Variants in GRID1 observed in about 807,000 individuals in gnomAD.
GRID1 encodes glutamate ionotropic receptor delta type subunit 1, also known as glutamate receptor ionotropic, delta-1.
A neutral mutation model predicts 98.0 loss-of-function variants in GRID1; 28 were observed. The ratio of observed to expected loss-of-function variants is 0.29; its 90% CI spans 0.21 to 0.39. The LOEUF is 0.39. GRID1 is among the 10% of genes least tolerant of loss of function. The pLI, the probability that GRID1 is intolerant of heterozygous loss-of-function variation, is 1.00. For synonymous variants in GRID1, 553 were observed against 538.5 expected (o/e 1.03, Z -0.37); for missense variants, 1,111 against 1,340.5 (o/e 0.83, Z 2.67).
At chr10:85,747,016 A>G (rs1842003653) in intron 8 of GRID1, among the ~76,000 whole-genome samples, 1 of 152,180 alleles carries the variant, frequency 6.6e-6, no homozygotes, top group Non-Finnish European at 1.5e-5. Flanking sequence ...ACTTGTTTAC[A>G]TTCAACAAAG....
rs371805985 is a variant in GRID1 at position 86,247,059 on chromosome 10, G to A, written c.236-40411C>T. Among the ~76,000 whole-genome samples the A allele has an allele frequency of 2.9e-4, 44 of 152,398 alleles. No homozygotes were observed. In the South Asian group the frequency reaches 7.2e-3, roughly 25 times the overall value. On this transcript the variant is annotated intron_variant, in intron 2 of 15. Transcript: ENST00000327946. ...ACACCGTGCCTGGAACACCACAGGT[G>A]TCAGTAAATACATGTTGGCTCAATG...
intron 2 of GRID1, among the ~76,000 whole-genome samples, chr10:86,308,075 C>T (rs1480964781): frequency 2.0e-5 from 3 of 152,176 alleles, no homozygotes; most frequent in African/African-American, 7.2e-5. Flanking sequence ...CCAAGGACCA[C>T]CATTCTTCAT....
At chr10:85,624,370 G>C (rs935165713) in intron 13 of GRID1, among the ~76,000 whole-genome samples, 5 of 152,148 alleles carry the variant, frequency 3.3e-5, no homozygotes, top group Non-Finnish European at 7.3e-5. Context: ...CTTAGCATAA[G>C]GCTGGTGGAA....
intron 8 of GRID1, among the ~76,000 whole-genome samples, chr10:85,731,929 G>A (rs1459455255): frequency 8.2e-6 from 1 of 121,310 alleles, no homozygotes; most frequent in Non-Finnish European, 1.7e-5. Flanking sequence ...AAGAAAGAGA[G>A]AGAGAGAAGG....
At chr10:86,196,198 T>G (rs1188972801) in intron 3 of GRID1, among the ~76,000 whole-genome samples, 2 of 152,022 alleles carry the variant, frequency 1.3e-5, no homozygotes, top group East Asian at 1.9e-4. Context: ...TTCCTCCATC[T>G]GCAGAAGCCC....
intron 5 of GRID1, among the ~76,000 whole-genome samples, chr10:85,905,027 G>T (rs1327445291): frequency 6.6e-6 from 1 of 151,846 alleles, no homozygotes; most frequent in Non-Finnish European, 1.5e-5. Flanking sequence ...TCAACAAAGT[G>T]CAGGCACACA....
intron 4 of GRID1, among the ~76,000 whole-genome samples, chr10:86,032,867 A>G (rs905316888): frequency 1.3e-5 from 2 of 150,778 alleles, no homozygotes; most frequent in East Asian, 3.9e-4. Context: ...CCTTGATACC[A>G]GCTAATACCC....
intron 4 of GRID1, among the ~76,000 whole-genome samples, chr10:85,950,685 C>T (rs1432370129): frequency 1.3e-5 from 2 of 152,172 alleles, no homozygotes; most frequent in Non-Finnish European, 2.9e-5. Flanking sequence ...ATCCAGCAAA[C>T]ATTATGCCCC....
intron 9 of GRID1, among the ~76,000 whole-genome samples, chr10:85,728,648 C>T (rs1190312787): frequency 6.6e-6 from 1 of 152,190 alleles, no homozygotes; most frequent in Non-Finnish European, 1.5e-5. Context: ...TGTGCTATGC[C>T]ACATGTGAGC....
At chr10:85,764,921 C>T (rs1220367445) in intron 8 of GRID1, among the ~76,000 whole-genome samples, 3 of 152,114 alleles carry the variant, frequency 2.0e-5, no homozygotes, top group Admixed American at 6.6e-5. Flanking sequence ...GACTATATAA[C>T]AGAAATGCAG....
Position 85,623,533 on chromosome 10 carries a change from C to T in GRID1, c.2194-3500G>A, listed in dbSNP as rs531566372. Among the ~76,000 whole-genome samples, 167 of 152,296 alleles carry T rather than the reference C, an allele frequency of 1.1e-3. 1 individual carries two copies. Among genetic ancestry groups the T allele is most frequent in the Non-Finnish European group, 2.0e-3 (133 of 68,020 alleles). ...ATCCACAGGTCTGGCTTCCCCACTACGGGGGGCTGGGGGGAGGACACCAAA... is the reference window on the plus strand; with the variant it reads ...ATCCACAGGTCTGGCTTCCCCACTATGGGGGGCTGGGGGGAGGACACCAAA... On this transcript the variant is annotated intron_variant, in intron 13 of 15. Transcript: ENST00000327946.
chr10:86,156,161 A>C (rs959257377), intron 3 of GRID1, among the ~76,000 whole-genome samples: 5 of 152,220 alleles, frequency 3.3e-5, no homozygotes, highest in African/African-American at 9.7e-5. Context: ...CAAGGGGAGA[A>C]GAGAGGGGCA....
At position 85,720,993 on chromosome 10, in the gene GRID1, A is replaced by G. The variant is rs886754019; in HGVS notation, c.1997+2010T>C. Among the ~76,000 whole-genome samples, 4 of 152,318 alleles carry G rather than the reference A, an allele frequency of 2.6e-5. No homozygotes were observed. The East Asian group carries it at 7.7e-4, about 29-fold the overall frequency. On this transcript the variant is annotated intron_variant, in intron 12 of 15. Transcript: ENST00000327946. ...AACTAGTGTCTAAAATATATGAAGA[A>G]CTTTCAAAACTCAAAAGTAATAAGC... is the stretch of plus-strand genomic sequence containing the variant.
At chr10:85,927,056 C>T (rs1652892322) in intron 4 of GRID1, among the ~76,000 whole-genome samples, 1 of 152,214 alleles carries the variant, frequency 6.6e-6, no homozygotes. Flanking sequence ...CCTGGTCTCT[C>T]AGGCCACTGC....
intron 8 of GRID1, among the ~76,000 whole-genome samples, chr10:85,801,043 C>G (rs1564594795): frequency 6.6e-6 from 1 of 151,838 alleles, no homozygotes. Flanking sequence ...TAAAGAGTGA[C>G]AACAAACAAA....
intron 12 of GRID1, among the ~76,000 whole-genome samples, chr10:85,698,233 T>C (rs1202509516): frequency 3.3e-5 from 5 of 152,160 alleles, no homozygotes; most frequent in Middle Eastern, 3.2e-3. Flanking sequence ...ACTACCCACA[T>C]ATCAATTAAA....
At chr10:86,012,658 A>AGGTAACTG (rs1453083490) in intron 4 of GRID1, among the ~76,000 whole-genome samples, 1 of 152,106 alleles carries the variant, frequency 6.6e-6, no homozygotes, top group Non-Finnish European at 1.5e-5. Context: ...AGCCTTTGGG[A>AGGTAACTG]GGTAACTGGA....
rs1039647077 is a variant in GRID1, at chr10:86,118,218, A to G, written c.726+20601T>C. ...GGAACTGGAGACTGTTATCCTAAGTAAAGTAACTTAGGAATGAAAAATCAA... is the reference window on the plus strand; with the variant it reads ...GGAACTGGAGACTGTTATCCTAAGTGAAGTAACTTAGGAATGAAAAATCAA... On this transcript the variant is annotated intron_variant, in intron 4 of 15. Transcript: ENST00000327946. Among the ~76,000 whole-genome samples, 3 of 152,344 alleles carry G rather than the reference A, an allele frequency of 2.0e-5. No individual in the cohort carries two copies. In the Middle Eastern group the frequency reaches 0.01, roughly 518 times the overall value.
intron 4 of GRID1, among the ~76,000 whole-genome samples, chr10:85,982,440 T>C (rs568201143): frequency 1.2e-4 from 19 of 152,118 alleles, no homozygotes; most frequent in Non-Finnish European, 1.9e-4. Context: ...ATATGGAAAA[T>C]TGACTCAAGG....
Sources: gnomAD v4.1 joint callset for allele counts (sites outside exome capture counted in the v4.1 genomes callset) on GRCh38, gnomAD v4.1.1 for gene constraint, MANE v1.5 for transcripts, NCBI Gene and HGNC (gene_info 2026-07-23, HGNC 2026-07-21) for gene names.